Variants in PPP1R12A observed in about 807,000 individuals in gnomAD.
PPP1R12A encodes the protein protein phosphatase 1 regulatory subunit 12A, also known as myosin binding subunit.
In PPP1R12A, 19 loss-of-function variants were observed where a neutral mutation model predicts 139.6. The ratio of observed to expected loss-of-function variants is 0.14; its 90% CI spans 0.09 to 0.20. The LOEUF is 0.20. Ranked by LOEUF, PPP1R12A falls within the 10% of genes least tolerant of loss-of-function variation. The probability of loss-of-function intolerance (pLI) is 1.00; values close to 1 mark genes in which losing one functional copy is unlikely to be tolerated. For missense variants in PPP1R12A, 925 were observed against 1,211.5 expected (o/e 0.76, Z 3.51); for synonymous variants, 427 against 420.6 (o/e 1.02, Z -0.19).
At position 79,828,463 on chromosome 12, in the gene PPP1R12A, G is replaced by C; in HGVS notation, c.649C>G (p.Leu217Val). The change falls in exon 5 of 25, where the codon CTT (leucine) becomes GTT (valine). Residue 217 changes from leucine (L) to valine (V), a missense_variant and splice_region_variant. Transcript: ENST00000450142. ...ACATCATAGCCTGCCTGTATTAAAA[G>C]TCTAAAGAAATTACAGTGAATTAGA... ...AAKGYTEVLKLLIQAGYDVNI... is the reference protein window; with the variant it reads ...AAKGYTEVLKVLIQAGYDVNI... 1.3e-6 allele frequency: 2 copies of C among 1,590,822 alleles called. No homozygotes were observed. The highest frequency in any genetic ancestry group is 1.7e-6 in the Non-Finnish European group (2 of 1,165,200).
chr12:79,920,235 A>G (rs749586501), intron 1 of PPP1R12A, among the ~76,000 whole-genome samples: 18 of 152,238 alleles, frequency 1.2e-4, no homozygotes, highest in Non-Finnish European at 1.5e-4. Context: ...CGCTGATTCC[A>G]GGGACAAAAC....
intron 3 of PPP1R12A, among the ~76,000 whole-genome samples, chr12:79,840,560 G>T (rs534748757): frequency 4.6e-5 from 7 of 152,224 alleles, no homozygotes; most frequent in Middle Eastern, 3.4e-3. Context: ...TTTCCTACAT[G>T]AACTCATCTA....
At chr12:79,889,458 C>T (rs1214876030) in intron 1 of PPP1R12A, among the ~76,000 whole-genome samples, 2 of 152,188 alleles carry the variant, frequency 1.3e-5, no homozygotes, top group African/African-American at 2.4e-5. Flanking sequence ...AAGTGAGCCA[C>T]AATGACCACC....
intron 3 of PPP1R12A, among the ~76,000 whole-genome samples, chr12:79,838,962 T>C (rs1878398157): frequency 3.3e-5 from 5 of 152,076 alleles, no homozygotes; most frequent in African/African-American, 9.7e-5. Flanking sequence ...GAATGACAGA[T>C]CCACTGACAC....
intron 1 of PPP1R12A, among the ~76,000 whole-genome samples, chr12:79,894,150 T>A (rs1592785033): frequency 1.3e-5 from 2 of 152,328 alleles, no homozygotes; most frequent in Admixed American, 1.3e-4. Flanking sequence ...CTTTTAAGTT[T>A]CCTTTAAAAA....
At chr12:79,810,080 C>A in intron 9 of PPP1R12A, 70 bp from the exon 10 acceptor site, 1 of 1,192,210 alleles carries the variant, frequency 8.4e-7, no homozygotes. Context: ...AAATTGGAAA[C>A]AATAAGTTTA....
At chr12:79,914,725 C>T (rs903957647) in intron 1 of PPP1R12A, among the ~76,000 whole-genome samples, 1 of 151,986 alleles carries the variant, frequency 6.6e-6, no homozygotes, top group African/African-American at 2.4e-5. Context: ...CATTTGGTCC[C>T]TTTCCTGGAA....
intron 1 of PPP1R12A, among the ~76,000 whole-genome samples, chr12:79,892,975 G>A (rs1353954661): frequency 6.6e-6 from 1 of 151,944 alleles, no homozygotes; most frequent in Non-Finnish European, 1.5e-5. Context: ...GTGGTGGCGA[G>A]TGCCTGTAAT....
At chr12:79,899,231 AAAATATATATATATATAT>A (rs1435683254) in intron 1 of PPP1R12A, among the ~76,000 whole-genome samples, 4 of 122,664 alleles carry the variant, frequency 3.3e-5, no homozygotes, top group African/African-American at 9.1e-5. Context: ...AGAGATCTTA[AAAATATATATATATATAT>A]ATATATATAT....
chr12:79,861,037 G>C (rs933506397), intron 2 of PPP1R12A, among the ~76,000 whole-genome samples: 2 of 152,254 alleles, frequency 1.3e-5, no homozygotes, highest in East Asian at 1.9e-4. Flanking sequence ...TGCTGATTTC[G>C]ACCTGGAAAC....
chr12:79,934,965 G>T lies in PPP1R12A; in HGVS notation c.-34C>A. On this transcript the variant is annotated 5_prime_UTR_variant, in exon 1 of 25. Coordinates refer to ENST00000450142, the MANE Select transcript of PPP1R12A (RefSeq NM_002480.3). Reference sequence around the variant, plus strand: ...CTGCCGCCGGGTCTTCTTATCGCGAGGGGGGGAAGGGGGAGGCGGAGAGGG... The same window carrying T: ...CTGCCGCCGGGTCTTCTTATCGCGATGGGGGGAAGGGGGAGGCGGAGAGGG... 2.6e-6 allele frequency: 4 copies of T among 1,543,352 alleles called. No individual in the cohort carries two copies. Among genetic ancestry groups the T allele is most frequent in the Non-Finnish European group, 3.5e-6 (4 of 1,142,136 alleles).
chr12:79,929,697 C>T (rs1034419964), intron 1 of PPP1R12A, among the ~76,000 whole-genome samples: 3 of 151,162 alleles, frequency 2.0e-5, no homozygotes, highest in African/African-American at 4.9e-5. Context: ...TGAACCTGGG[C>T]GGCGGAGTTT....
At position 79,828,369 on chromosome 12, in the gene PPP1R12A, C is replaced by T; in HGVS notation, c.743G>A (p.Cys248Tyr). 1 of 1,612,566 alleles carries T rather than the reference C, an allele frequency of 6.2e-7. No homozygotes were observed. Among genetic ancestry groups the T allele is most frequent in the Non-Finnish European group, 8.5e-7 (1 of 1,178,988 alleles). ...AAAHWGKEEA[C>Y]RILVDNLCDM... is the part of the protein sequence containing the mutation. Reference sequence around the variant, plus strand: ...ACACAGATTGTCCACTAAAATTCGACATGCTTCTTCTTTACCCCAATGAGC... The same window carrying T: ...ACACAGATTGTCCACTAAAATTCGATATGCTTCTTCTTTACCCCAATGAGC... The change falls in exon 5 of 25, where the codon TGT (cysteine) becomes TAT (tyrosine). Residue 248 changes from cysteine (C) to tyrosine (Y), a missense_variant. Transcript: ENST00000450142.
intron 4 of PPP1R12A, 144 bp downstream of exon 4, chr12:79,832,186 TAG>T: frequency 1.6e-6 from 1 of 626,750 alleles, no homozygotes; most frequent in Non-Finnish European, 2.5e-6. Context: ...ATATTCAAAG[TAG>T]TTTTTCTCTT....
chr12:79,902,271 A>C (rs1183449163), intron 1 of PPP1R12A, among the ~76,000 whole-genome samples: 1 of 152,152 alleles, frequency 6.6e-6, no homozygotes, highest in Non-Finnish European at 1.5e-5. Flanking sequence ...AGTGTTACTA[A>C]TAATATCAGT....
intron 17 of PPP1R12A, 53 bp from the exon 18 acceptor site, chr12:79,795,812 T>C: frequency 6.4e-7 from 1 of 1,565,842 alleles, no homozygotes. Context: ...GACAATATTT[T>C]GCAAGGTAAT....
intron 1 of PPP1R12A, among the ~76,000 whole-genome samples, chr12:79,919,548 C>T (rs1429753074): frequency 6.7e-6 from 1 of 149,990 alleles, no homozygotes; most frequent in Non-Finnish European, 1.5e-5. Context: ...GAGTGAGACT[C>T]CATCTCAAAA....
chr12:79,878,129 T>C (rs1883292143), intron 1 of PPP1R12A, among the ~76,000 whole-genome samples: 2 of 151,794 alleles, frequency 1.3e-5, no homozygotes, highest in African/African-American at 4.8e-5. Context: ...GATAGGGATA[T>C]ACATAAGTGA....
chr12:79,828,453 T>A lies in PPP1R12A; in HGVS notation c.659A>T (p.Gln220Leu), dbSNP rs544575276. The A allele has an allele frequency of 6.2e-7, 1 of 1,600,776 alleles. No individual in the cohort carries two copies. Among genetic ancestry groups the A allele is most frequent in the African/African-American group, 1.3e-5 (1 of 74,732 alleles). The change falls in exon 5 of 25, where the codon CAG (glutamine) becomes CTG (leucine). Residue 220 changes from glutamine (Q) to leucine (L), a missense_variant. By Grantham distance (113) the Gln-to-Leu change is moderately radical. Transcript: ENST00000450142. ...TTTAATATTAACATCATAGCCTGCC[T>A]GTATTAAAAGTCTAAAGAAATTACA... Reference protein sequence around the residue: ...GYTEVLKLLIQAGYDVNIKDY... With the variant: ...GYTEVLKLLILAGYDVNIKDY...
Sources: allele counts gnomAD v4.1 joint callset (sites outside exome capture counted in the v4.1 genomes callset), GRCh38; gene constraint gnomAD v4.1.1; transcripts MANE v1.5; gene names NCBI Gene and HGNC (gene_info 2026-07-23, HGNC 2026-07-21).